Variants in GLE1 observed in about 807,000 individuals in gnomAD.
The protein encoded by GLE1 is mRNA export factor GLE1.
GLE1 carries 78 observed loss-of-function variants against 97.3 expected under a neutral mutation model. The observed-to-expected ratio is 0.80, with a 90% CI of 0.67 to 0.97. The LOEUF is 0.97. Among genes scored for constraint, GLE1 ranks in the 50% least tolerant of loss-of-function variants. GLE1 has a pLI of 0.00. For synonymous variants in GLE1, 302 were observed against 313.4 expected, an observed-to-expected ratio of 0.96 and a Z score of 0.39; for missense variants, 753 against 857.5, an observed-to-expected ratio of 0.88 and a Z score of 1.52.
chr9:128,513,879 G>T (rs1336226523), intron 2 of GLE1, among the ~76,000 whole-genome samples: 1 of 151,650 alleles, frequency 6.6e-6, no homozygotes, highest in South Asian at 2.1e-4. Flanking sequence ...TTATCCTGGC[G>T]TGGTGGAGGG....
rs951462537 is a variant in GLE1, at chr9:128,504,727, G to C, written c.-79G>C. Reference sequence around the variant, plus strand: ...GCGCGCGTCCCGGAAGCAGAAGCCTGTGTGGCCTTCCCGGCGGCTGATTCG... The same window carrying C: ...GCGCGCGTCCCGGAAGCAGAAGCCTCTGTGGCCTTCCCGGCGGCTGATTCG... On this transcript the variant is annotated 5_prime_UTR_variant, in exon 1 of 16. Coordinates refer to ENST00000309971, the MANE Select transcript of GLE1 (RefSeq NM_001003722.2). 1.0e-6 allele frequency: 1 copy of C among 969,614 alleles called. No individual in the cohort carries two copies. The highest frequency in any genetic ancestry group is 1.7e-6 in the Non-Finnish European group (1 of 600,944). The allele number at this position is 969,614 out of a possible 1,614,324, so 60.1% of individuals were successfully genotyped here. A position where few individuals can be genotyped will look rare whatever the true frequency, so the allele number is the denominator to read the frequency against.
chr9:128,532,196 C>T (rs1847535277), intron 9 of GLE1, among the ~76,000 whole-genome samples: 3 of 135,654 alleles, frequency 2.2e-5, no homozygotes, highest in African/African-American at 8.1e-5. Context: ...GAAAGTAATT[C>T]AGATCTGCTT....
At chr9:128,535,722 G>A (rs528811884) in intron 11 of GLE1, among the ~76,000 whole-genome samples, 1 of 152,212 alleles carries the variant, frequency 6.6e-6, no homozygotes, top group East Asian at 1.9e-4. Flanking sequence ...TCGGGAGGCA[G>A]AGGCAGAAGA....
chr9:128,539,458 G>T (rs994261472), intron 13 of GLE1, among the ~76,000 whole-genome samples, 158 bp from the exon 14 acceptor site: 4 of 152,190 alleles, frequency 2.6e-5, no homozygotes, highest in African/African-American at 9.7e-5. Flanking sequence ...GAAGAAAGTT[G>T]GGTGTTTCCA....
intron 9 of GLE1, among the ~76,000 whole-genome samples, chr9:128,530,841 G>A (rs547304966): frequency 3.4e-5 from 5 of 146,830 alleles, no homozygotes; most frequent in South Asian, 2.1e-4. Context: ...CCCGGGAGGC[G>A]GAGCTTGCAG....
chr9:128,533,453 GGAAAA>G (rs1705832509), intron 9 of GLE1, 55 bp from the exon 10 acceptor site: 8 of 879,456 alleles, frequency 9.1e-6, no homozygotes, highest in Admixed American at 2.9e-5. Context: ...AAAAAAAAAA[GGAAAA>G]GAAAAAGAGA....
intron 7 of GLE1, among the ~76,000 whole-genome samples, chr9:128,526,343 G>A (rs1479030437): frequency 2.0e-5 from 3 of 149,500 alleles, no homozygotes; most frequent in Admixed American, 6.7e-5. Context: ...TTTCTTTTTT[G>A]GTGTGTTTTG....
chr9:128,536,505 G>A, intron 12 of GLE1, 21 bp downstream of exon 12: 1 of 1,607,162 alleles, frequency 6.2e-7, no homozygotes, highest in Non-Finnish European at 8.5e-7. Flanking sequence ...GAGGCTTACT[G>A]TCAATAATGA....
chr9:128,532,209 CTTTTTTTTT>C (rs1160924908), intron 9 of GLE1, among the ~76,000 whole-genome samples: 2 of 49,386 alleles, frequency 4.0e-5, no homozygotes, highest in East Asian at 6.5e-4. Context: ...ATCTGCTTTG[CTTTTTTTTT>C]TTTTTTTTTT....
chr9:128,512,296 A>G lies in GLE1; in HGVS notation c.321+3199A>G, dbSNP rs536267635. On this transcript the variant is annotated intron_variant, in intron 2 of 15. Transcript: ENST00000309971. ...TGGTGTTTACATGAATCTACATGTG[A>G]TAAAATTACATAGAACTATACATAA... Among the ~76,000 whole-genome samples the G allele has an allele frequency of 3.9e-5, 6 of 152,276 alleles. No individual in the cohort carries two copies. In the South Asian group the frequency reaches 1.2e-3, roughly 32 times the overall value.
At chr9:128,522,103 T>C (rs1460604886) in intron 3 of GLE1, among the ~76,000 whole-genome samples, 1 of 152,214 alleles carries the variant, frequency 6.6e-6, no homozygotes, top group Non-Finnish European at 1.5e-5. Context: ...GGAAGCTTAA[T>C]AGTGCATGGC....
rs190905322 is a variant in GLE1, at chr9:128,534,705, A to G, written c.1646+754A>G. 6.6e-5 allele frequency among the ~76,000 whole-genome samples: 10 copies of G among 151,730 alleles called. No homozygotes were observed. The East Asian group carries it at 1.9e-3, about 29-fold the overall frequency. On this transcript the variant is annotated intron_variant, in intron 11 of 15. Coordinates refer to ENST00000309971, the MANE Select transcript of GLE1 (RefSeq NM_001003722.2). The stretch of plus-strand genomic sequence containing the variant: ...GATGTAATAATATGTAATAATATAT[A>G]TACATATTTTTTATTTTTTTTATTT...
At chr9:128,521,330 T>G (rs919957111) in intron 3 of GLE1, among the ~76,000 whole-genome samples, 4 of 152,050 alleles carry the variant, frequency 2.6e-5, no homozygotes, top group Admixed American at 2.6e-4. Flanking sequence ...GATCGGGAGC[T>G]CTAGACCATC....
chr9:128,510,026 A>G (rs1846758473), intron 2 of GLE1, among the ~76,000 whole-genome samples: 1 of 152,126 alleles, frequency 6.6e-6, no homozygotes, highest in East Asian at 1.9e-4. Context: ...TAGTTTGTGT[A>G]TATACAAATA....
intron 7 of GLE1, among the ~76,000 whole-genome samples, chr9:128,526,442 C>T (rs183851555): frequency 8.6e-5 from 13 of 151,304 alleles, no homozygotes; most frequent in African/African-American, 2.9e-4. Context: ...CTACAACCTC[C>T]GCCTCCCAGG....
chr9:128,515,665 G>C (rs748544571), intron 3 of GLE1, 26 bp downstream of exon 3: 6 of 1,247,540 alleles, frequency 4.8e-6, no homozygotes, highest in Non-Finnish European at 7.1e-6. Flanking sequence ...AAGGAAGGCA[G>C]CCTTGATCCT....
Position 128,540,056 on chromosome 9 carries a change from C to CA in GLE1, c.1965-209dup, listed in dbSNP as rs958514198. Among the ~76,000 whole-genome samples, 321 of 148,006 alleles carry CA rather than the reference C, an allele frequency of 2.2e-3. 1 individual carries two copies. The highest frequency in any genetic ancestry group is 6.1e-3 in the African/African-American group (246 of 40,450). ...GCAATATAGCAAGACCCCATCTCTA[C>CA]AAAAAAAAAATTAGCCAGGCATGAT... On this transcript the variant is annotated intron_variant, in intron 14 of 15. Coordinates refer to ENST00000309971, the MANE Select transcript of GLE1 (RefSeq NM_001003722.2).
intron 2 of GLE1, among the ~76,000 whole-genome samples, chr9:128,513,145 C>T (rs138333748): frequency 6.6e-4 from 100 of 152,168 alleles, no homozygotes; most frequent in Middle Eastern, 6.8e-3. Flanking sequence ...TCTAGGAGTG[C>T]ATTTGGAATC....
chr9:128,533,695 T>C, intron 10 of GLE1, 40 bp downstream of exon 10: 2 of 1,613,300 alleles, frequency 1.2e-6, no homozygotes, highest in South Asian at 1.1e-5. Context: ...AAGCAGAGGC[T>C]GGTGTACAAG....
Sources: gnomAD v4.1 joint callset for allele counts (sites outside exome capture counted in the v4.1 genomes callset) on GRCh38, gnomAD v4.1.1 for gene constraint, MANE v1.5 for transcripts, NCBI Gene and HGNC (gene_info 2026-07-23, HGNC 2026-07-21) for gene names.